The following NPLOC4 variants were observed in gnomAD, a reference collection of about 807,000 sequenced individuals.
NPLOC4 encodes the protein NPL4 homolog, ubiquitin recognition factor, also known as nuclear protein localization protein 4 homolog.
In NPLOC4, 18 loss-of-function variants were observed where a neutral mutation model predicts 80.6. The observed-to-expected ratio is 0.22, with a 90% CI of 0.15 to 0.33. The LOEUF (loss-of-function observed/expected upper bound fraction) is 0.33. Among genes scored for constraint, NPLOC4 ranks in the 10% least tolerant of loss-of-function variants. The probability of loss-of-function intolerance (pLI) is 1.00; values close to 1 mark genes in which losing one functional copy is unlikely to be tolerated. For synonymous variants in NPLOC4, 313 were observed against 301.5 expected (o/e 1.04, Z -0.39); for missense variants, 540 against 786.1 (o/e 0.69, Z 3.74).
At chr17:81,560,429 C>G (rs2033815362) in intron 16 of NPLOC4, 1 of 151,860 alleles carries the variant, frequency 6.6e-6, no homozygotes, top group Non-Finnish European at 1.5e-5. Flanking sequence ...AAACAACAGG[C>G]CGGGCGCGGT....
chr17:81,581,514 C>A (rs906910464), intron 12 of NPLOC4, among the ~76,000 whole-genome samples: 1 of 152,158 alleles, frequency 6.6e-6, no homozygotes, highest in East Asian at 1.9e-4. Context: ...GCCCTGTGGA[C>A]GCCCAGACCC....
At chr17:81,624,571 C>G (rs1222170582) in intron 2 of NPLOC4, among the ~76,000 whole-genome samples, 1 of 151,970 alleles carries the variant, frequency 6.6e-6, no homozygotes, top group African/African-American at 2.4e-5. Context: ...ACACTCTAGC[C>G]TGGGCAACGG....
intron 12 of NPLOC4, among the ~76,000 whole-genome samples, chr17:81,584,665 T>C (rs1242098359): frequency 2.0e-5 from 3 of 152,148 alleles, no homozygotes; most frequent in African/African-American, 4.8e-5. Flanking sequence ...AGACTAAACT[T>C]ATAAATAATA....
chr17:81,613,268 C>T lies in NPLOC4; in HGVS notation c.386+50G>A, dbSNP rs367613880. 3.9e-5 allele frequency: 59 copies of T among 1,497,240 alleles called. 1 individual carries two copies. The African/African-American group carries it at 8.0e-4, about 20-fold the overall frequency. 92.7% of individuals were successfully genotyped at this position (1,497,240 alleles called of 1,614,324 possible). A position where few individuals can be genotyped will look rare whatever the true frequency, so the allele number is the denominator to read the frequency against. On this transcript the variant is annotated intron_variant, in intron 4 of 16. Transcript: ENST00000331134. The stretch of plus-strand genomic sequence containing the variant: ...TGTTATAAATATTTCCCTTTATTCA[C>T]CCATTAAGATCACCACAAGTAGGAC...
chr17:81,632,822 T>C (rs1307955562), intron 1 of NPLOC4, among the ~76,000 whole-genome samples: 1 of 152,188 alleles, frequency 6.6e-6, no homozygotes, highest in Admixed American at 6.6e-5. Context: ...AAGCCTAATC[T>C]AGATTTTCCT....
intron 11 of NPLOC4, among the ~76,000 whole-genome samples, chr17:81,590,788 C>T (rs1037511489): frequency 1.2e-4 from 18 of 152,182 alleles, no homozygotes; most frequent in African/African-American, 2.7e-4. Context: ...GCAAACCTGA[C>T]GGCCACACAA....
intron 10 of NPLOC4, 60 bp downstream of exon 10, chr17:81,597,185 G>A (rs2034931118): frequency 8.0e-7 from 1 of 1,255,942 alleles, no homozygotes; most frequent in African/African-American, 1.5e-5. Context: ...TGATAATGCA[G>A]GCCAACACCA....
In NPLOC4 at chr17:81,558,956, C is replaced by T. The variant is rs11868638; in HGVS notation, c.*303G>A. 1.3e-3 allele frequency: 354 copies of T among 278,494 alleles called. 1 individual carries two copies. Among genetic ancestry groups the T allele is most frequent in the African/African-American group, 6.8e-3 (313 of 45,696 alleles). 17.3% of individuals were successfully genotyped at this position (278,494 alleles called of 1,614,324 possible). A position where few individuals can be genotyped will look rare whatever the true frequency, so the allele number is the denominator to read the frequency against. ...CTGTGCGCCCCAATTCCAGGTGCCA[C>T]GTAGAGGCGAGAGGTCTTTCCAACA... On this transcript the variant is annotated 3_prime_UTR_variant, in exon 17 of 17. Transcript: ENST00000331134.
intron 8 of NPLOC4, among the ~76,000 whole-genome samples, chr17:81,603,691 T>C (rs991690621): frequency 6.6e-6 from 1 of 152,226 alleles, no homozygotes; most frequent in Non-Finnish European, 1.5e-5. Flanking sequence ...AGATTCACCA[T>C]GAACATTTCC....
chr17:81,600,400 G>T lies in NPLOC4; in HGVS notation c.862C>A (p.Leu288Ile). 6.2e-7 allele frequency: 1 copy of T among 1,612,834 alleles called. No homozygotes were observed. The highest frequency in any genetic ancestry group is 8.5e-7 in the Non-Finnish European group (1 of 1,179,460). ...QIGTQNSLELLEDPKAEVVDE... is the reference protein window; with the variant it reads ...QIGTQNSLELIEDPKAEVVDE... Reference sequence around the variant, plus strand: ...ACCACTTCAGCTTTTGGATCCTCAAGAAGCTCCAAGCTGTTCTGTGTACCA... The same window carrying T: ...ACCACTTCAGCTTTTGGATCCTCAATAAGCTCCAAGCTGTTCTGTGTACCA... Residue 288 changes from leucine (L) to isoleucine (I), a missense_variant, in exon 9 of 17, where the codon CTT (leucine) becomes ATT (isoleucine). Physicochemically the swap from Leu to Ile is conservative, Grantham distance 5. Transcript: ENST00000331134.
chr17:81,569,252 G>A (rs948597300), intron 13 of NPLOC4, 141 bp from the exon 14 acceptor site: 3 of 620,808 alleles, frequency 4.8e-6, no homozygotes, highest in Non-Finnish European at 8.7e-6. Flanking sequence ...CTCCATCAAA[G>A]GGAACCGTTA....
chr17:81,625,504 C>G (rs1213673357), intron 2 of NPLOC4, among the ~76,000 whole-genome samples: 1 of 152,154 alleles, frequency 6.6e-6, no homozygotes, highest in East Asian at 1.9e-4. Context: ...AATGGAAATT[C>G]TAGAACTGAA....
chr17:81,559,258 C>T lies in NPLOC4; in HGVS notation c.*1G>A. The T allele has an allele frequency of 1.3e-6, 2 of 1,599,818 alleles. No individual in the cohort carries two copies. Among genetic ancestry groups the T allele is most frequent in the Non-Finnish European group, 1.7e-6 (2 of 1,174,200 alleles). On this transcript the variant is annotated 3_prime_UTR_variant, in exon 17 of 17. Coordinates refer to ENST00000331134, the MANE Select transcript of NPLOC4 (RefSeq NM_017921.4). The stretch of plus-strand genomic sequence containing the variant: ...GTCCTAGCCAGCAGAGGGCAGGCGC[C>T]CTAGGTCCTGGGGAGGCTGCACATC...
chr17:81,585,686 C>CA (rs1341721693), intron 12 of NPLOC4, among the ~76,000 whole-genome samples: 2 of 141,054 alleles, frequency 1.4e-5, no homozygotes, highest in Non-Finnish European at 3.0e-5. Flanking sequence ...AGAAAGAAAT[C>CA]AGAGGCTGGG....
chr17:81,571,555 T>C (rs2034161051), intron 13 of NPLOC4, among the ~76,000 whole-genome samples: 1 of 152,182 alleles, frequency 6.6e-6, no homozygotes, highest in Non-Finnish European at 1.5e-5. Flanking sequence ...CCAGACACAC[T>C]GTGGGCTGTG....
chr17:81,604,762 T>C (rs752879006), intron 7 of NPLOC4, 35 bp from the exon 8 acceptor site: 1 of 1,548,318 alleles, frequency 6.5e-7, no homozygotes, highest in East Asian at 2.3e-5. Flanking sequence ...GATGAAAACA[T>C]GCCATCAAAA....
Position 81,629,780 on chromosome 17 carries a change from C to A in NPLOC4, c.41G>T (p.Gly14Val). The change falls in exon 2 of 17, where the codon GGA (glycine) becomes GTA (valine). Residue 14 changes from glycine (G) to valine (V), a missense_variant. This residue lies in a region of NPLOC4 where 62 missense variants were observed against 84.4 expected (regional missense o/e 0.73). Transcript: ENST00000331134. Reference protein sequence around the residue: ...SIIIRVQSPDGVKRITATKRE... With the variant: ...SIIIRVQSPDVVKRITATKRE... ...CTTTGTTGCTGTGATCCGCTTCACTCCATCCGGGGACTGGACACGAATTAT... is the reference window on the plus strand; with the variant it reads ...CTTTGTTGCTGTGATCCGCTTCACTACATCCGGGGACTGGACACGAATTAT... The A allele has an allele frequency of 6.2e-7, 1 of 1,613,778 alleles. No individual in the cohort carries two copies. Among genetic ancestry groups the A allele is most frequent in the South Asian group, 1.1e-5 (1 of 91,072 alleles).
chr17:81,600,541 C>T (rs2035035243), intron 8 of NPLOC4, 114 bp from the exon 9 acceptor site: 2 of 731,150 alleles, frequency 2.7e-6, no homozygotes, highest in African/African-American at 3.5e-5. Context: ...GCCTCCTTGT[C>T]AGAAAGGAGA....
At chr17:81,566,809 G>A (rs961299521) in intron 15 of NPLOC4, 2 of 152,604 alleles carry the variant, frequency 1.3e-5, no homozygotes, top group African/African-American at 2.4e-5. Flanking sequence ...TGAAGAAAAA[G>A]CCAAAGTCGG....
Sources: allele counts gnomAD v4.1 joint callset (sites outside exome capture counted in the v4.1 genomes callset), GRCh38; gene constraint gnomAD v4.1.1; regional missense constraint gnomAD v4.1.1; transcripts MANE v1.5; gene names NCBI Gene and HGNC (gene_info 2026-07-23, HGNC 2026-07-21).